Variants in LMO7 observed in about 807,000 individuals in gnomAD.
The protein encoded by LMO7 is LIM domain 7, also known as LIM domain only protein 7.
LMO7 carries 120 observed loss-of-function variants against 206.5 expected under a neutral mutation model. The ratio of observed to expected loss-of-function variants is 0.58; its 90% CI spans 0.50 to 0.68. LMO7 has a LOEUF of 0.68. Ranked by LOEUF, LMO7 falls within the 30% of genes least tolerant of loss-of-function variation. The pLI is 0.00. For missense variants in LMO7, 1,959 were observed against 1,957.9 expected (o/e 1.00, Z -0.01); for synonymous variants, 706 against 681.5 (o/e 1.04, Z -0.56).
chr13:75,726,769 G>A (rs1009044783), intron 2 of LMO7, among the ~76,000 whole-genome samples: 1 of 152,102 alleles, frequency 6.6e-6, no homozygotes, highest in Non-Finnish European at 1.5e-5. Context: ...CTAACTCTTT[G>A]AAGGATGGCT....
chr13:75,695,021 G>A (rs774403819), intron 1 of LMO7, among the ~76,000 whole-genome samples: 57 of 152,100 alleles, frequency 3.7e-4, no homozygotes, highest in Non-Finnish European at 7.6e-4. Context: ...CACACACTCC[G>A]ACACACCCCA....
intron 16 of LMO7, among the ~76,000 whole-genome samples, chr13:75,833,514 T>C (rs546911313): frequency 2.6e-4 from 39 of 152,232 alleles, no homozygotes; most frequent in Admixed American, 4.6e-4. Context: ...AGTAGATATA[T>C]ATGTGCTATT....
intron 3 of LMO7, among the ~76,000 whole-genome samples, chr13:75,735,610 C>T (rs1092601): frequency 0.44 from 66,738 of 150,570 alleles, 15,183 homozygotes; most frequent in East Asian, 0.61. Context: ...TACAGGCGCG[C>T]GGCACCACAC....
chr13:75,699,358 C>G (rs1264245552), intron 1 of LMO7, among the ~76,000 whole-genome samples: 2 of 151,844 alleles, frequency 1.3e-5, no homozygotes, highest in East Asian at 3.9e-4. Context: ...ACAACCAAAA[C>G]TAGCATGAAT....
At chr13:75,819,924 G>A (rs923205339) in intron 13 of LMO7, among the ~76,000 whole-genome samples, 3 of 152,018 alleles carry the variant, frequency 2.0e-5, no homozygotes, top group Non-Finnish European at 4.4e-5. Context: ...AAAATATAAC[G>A]AAGTTCTTTT....
chr13:75,723,643 G>A (rs990794020), intron 2 of LMO7, among the ~76,000 whole-genome samples: 1 of 152,152 alleles, frequency 6.6e-6, no homozygotes, highest in African/African-American at 2.4e-5. Flanking sequence ...TCTGAATTGA[G>A]TTATATTTAA....
At chr13:75,803,969 T>C (rs973260752) in intron 7 of LMO7, among the ~76,000 whole-genome samples, 3 of 152,208 alleles carry the variant, frequency 2.0e-5, no homozygotes, top group Non-Finnish European at 4.4e-5. Flanking sequence ...AGATTTTATT[T>C]CTATGTATTA....
chr13:75,801,100 G>T (rs761108219), intron 7 of LMO7, among the ~76,000 whole-genome samples: 5 of 152,084 alleles, frequency 3.3e-5, no homozygotes, highest in Non-Finnish European at 7.4e-5. Flanking sequence ...AAAGGACTGA[G>T]AGGTGACAGT....
chr13:75,774,396 C>A (rs1467817883), intron 4 of LMO7, among the ~76,000 whole-genome samples: 1 of 152,040 alleles, frequency 6.6e-6, no homozygotes, highest in Non-Finnish European at 1.5e-5. Context: ...AGCAGTATTT[C>A]CAAATGTAGA....
At chr13:75,713,430 G>T (rs967464503) in intron 2 of LMO7, among the ~76,000 whole-genome samples, 178 bp downstream of exon 2, 1 of 152,110 alleles carries the variant, frequency 6.6e-6, no homozygotes, top group Non-Finnish European at 1.5e-5. Flanking sequence ...GGAAGAAGGG[G>T]TTATCAGTCT....
chr13:75,645,330 A>G (rs2036914696), intron 1 of LMO7, among the ~76,000 whole-genome samples: 1 of 152,178 alleles, frequency 6.6e-6, no homozygotes, highest in African/African-American at 2.4e-5. Context: ...AGATGTGTGA[A>G]CAGGGAAAGA....
chr13:75,672,699 C>T (rs1197979358), intron 1 of LMO7, among the ~76,000 whole-genome samples: 1 of 152,192 alleles, frequency 6.6e-6, no homozygotes, highest in African/African-American at 2.4e-5. Context: ...CCAGTTTCTA[C>T]TCCCATCAGC....
chr13:75,721,758 A>C (rs1185699544), intron 2 of LMO7, among the ~76,000 whole-genome samples: 2 of 152,192 alleles, frequency 1.3e-5, no homozygotes, highest in African/African-American at 4.8e-5. Context: ...TTGCAAGTGC[A>C]AATTGCACTG....
At chr13:75,718,926 G>A (rs1033364138) in intron 2 of LMO7, among the ~76,000 whole-genome samples, 2 of 150,968 alleles carry the variant, frequency 1.3e-5, no homozygotes. Context: ...CTTTCACTGA[G>A]TAATATGCAC....
At chr13:75,621,523 C>A (rs1172576288) in exon 1 of LMO7, 3 of 384,534 alleles carry the variant, frequency 7.8e-6, no homozygotes, top group Non-Finnish European at 1.4e-5. Context: ...ATCTAAATCA[C>A]CCTGAGCAAT....
intron 2 of LMO7, chr13:75,628,437 A>C (rs2034489518): frequency 6.6e-6 from 1 of 152,182 alleles, no homozygotes; most frequent in South Asian, 2.1e-4. Flanking sequence ...TCTTGTCTGA[A>C]TACCATTATG....
chr13:75,714,373 C>T (rs1044880096), intron 2 of LMO7, among the ~76,000 whole-genome samples: 1 of 152,122 alleles, frequency 6.6e-6, no homozygotes, highest in Non-Finnish European at 1.5e-5. Context: ...AACGATCAAA[C>T]TTTGTATATA....
chr13:75,723,886 G>T (rs1411554668), intron 2 of LMO7, among the ~76,000 whole-genome samples: 1 of 152,128 alleles, frequency 6.6e-6, no homozygotes, highest in Non-Finnish European at 1.5e-5. Context: ...AGTTCTGGAG[G>T]CTGGGAAGTT....
chr13:75,785,401 T>C (rs2052263218), intron 4 of LMO7, among the ~76,000 whole-genome samples: 2 of 152,128 alleles, frequency 1.3e-5, no homozygotes, highest in African/African-American at 4.8e-5. Flanking sequence ...TGCATTGTTG[T>C]GTGGATTAAA....
Sources: gnomAD v4.1 joint callset for allele counts (sites outside exome capture counted in the v4.1 genomes callset) on GRCh38, gnomAD v4.1.1 for gene constraint, MANE v1.5 for transcripts, NCBI Gene and HGNC (gene_info 2026-07-23, HGNC 2026-07-21) for gene names.